The following SDAD1 variants were observed in gnomAD, a reference collection of about 807,000 sequenced individuals.
The protein encoded by SDAD1 is protein SDA1 homolog.
In SDAD1, 79 loss-of-function variants were observed where a neutral mutation model predicts 100.3. That is an observed-to-expected ratio of 0.79 (90% confidence interval 0.66 to 0.95). SDAD1 has a LOEUF of 0.95. Ranked by LOEUF, SDAD1 falls within the 40% of genes least tolerant of loss-of-function variation. The probability of loss-of-function intolerance (pLI) is 0.00; values close to 1 mark genes in which losing one functional copy is unlikely to be tolerated. For synonymous variants in SDAD1, 267 were observed against 271.4 expected, an observed-to-expected ratio of 0.98 and a Z score of 0.16; for missense variants, 790 against 810.9, an observed-to-expected ratio of 0.97 and a Z score of 0.31.
chr4:75,971,939 A>AT (rs35932670), intron 8 of SDAD1, among the ~76,000 whole-genome samples: 63,257 of 138,356 alleles, frequency 0.46, 16,207 homozygotes, highest in East Asian at 0.84. Flanking sequence ...CTGTAGCACT[A>AT]TTTTTTTTTT....
intron 1 of SDAD1, among the ~76,000 whole-genome samples, chr4:75,985,796 G>A (rs537089601): frequency 2.0e-5 from 3 of 152,076 alleles, no homozygotes; most frequent in Non-Finnish European, 2.9e-5. Context: ...TCAACTAGAG[G>A]TATATTCCTC....
rs375531744 is a variant in SDAD1, at chr4:75,957,475, C to T, written c.1769+43G>A. The T allele has an allele frequency of 5.0e-6, 8 of 1,611,834 alleles. No individual in the cohort carries two copies. In the African/African-American group the frequency reaches 5.3e-5, roughly 11 times the overall value. On this transcript the variant is annotated intron_variant, in intron 19 of 21. Transcript: ENST00000356260. ...TTCTGTTTCCTGATGCTTTCATTAC[C>T]ACATGAGCTGACTGAAGTACTAAAG...
chr4:75,961,536 C>T (rs998877574), intron 14 of SDAD1, among the ~76,000 whole-genome samples: 11 of 152,070 alleles, frequency 7.2e-5, no homozygotes, highest in Admixed American at 3.3e-4. Flanking sequence ...GAACAGTGTC[C>T]GGCACACTAA....
chr4:75,982,349 A>G (rs1367658832), intron 1 of SDAD1, among the ~76,000 whole-genome samples: 1 of 152,206 alleles, frequency 6.6e-6, no homozygotes, highest in African/African-American at 2.4e-5. Context: ...GCCAGTTACT[A>G]TCTAAATGAT....
chr4:75,968,018 A>G (rs766229402), intron 11 of SDAD1, among the ~76,000 whole-genome samples: 1 of 152,180 alleles, frequency 6.6e-6, no homozygotes. Context: ...AATTTTTTCT[A>G]TTTTAGCCAC....
Position 75,990,809 on chromosome 4 carries a change from G to C in SDAD1, c.33C>G (p.Ser11Arg). The C allele has an allele frequency of 6.2e-7, 1 of 1,614,162 alleles. No homozygotes were observed. Among genetic ancestry groups the C allele is most frequent in the Non-Finnish European group, 8.5e-7 (1 of 1,180,030 alleles). ...TTAGATTCTGTAACTGCGGCAGGTTGCTGGGAAGCTTGTTGTTGTTTCTGT... is the reference window on the plus strand; with the variant it reads ...TTAGATTCTGTAACTGCGGCAGGTTCCTGGGAAGCTTGTTGTTGTTTCTGT... The part of the protein sequence containing the change: MSNRNNNKLP[S>R]NLPQLQNLIK... The change falls in exon 1 of 22, where the codon AGC (serine) becomes AGG (arginine). Residue 11 changes from serine to arginine, a missense_variant. Coordinates refer to ENST00000356260, the MANE Select transcript of SDAD1 (RefSeq NM_018115.4).
chr4:75,975,640 T>C (rs1277124697), intron 6 of SDAD1, 104 bp downstream of exon 6: 8 of 721,718 alleles, frequency 1.1e-5, no homozygotes, highest in Non-Finnish European at 1.6e-5. Flanking sequence ...GACATAAGTA[T>C]ATTAAAGAGC....
intron 6 of SDAD1, among the ~76,000 whole-genome samples, chr4:75,975,163 A>C (rs927854183): frequency 1.3e-5 from 2 of 152,214 alleles, no homozygotes; most frequent in Non-Finnish European, 2.9e-5. Flanking sequence ...AAATACTAAC[A>C]GTAATTGATT....
intron 8 of SDAD1, among the ~76,000 whole-genome samples, chr4:75,971,665 G>A (rs905865704): frequency 1.3e-5 from 2 of 152,088 alleles, no homozygotes; most frequent in African/African-American, 2.4e-5. Context: ...GAGGCCAGGA[G>A]CTTGAGACCA....
intron 3 of SDAD1, among the ~76,000 whole-genome samples, chr4:75,979,762 T>C (rs191428662): frequency 6.0e-4 from 91 of 151,452 alleles, no homozygotes; most frequent in African/African-American, 2.1e-3. Context: ...GCGGAAATCT[T>C]TATTATTTTT....
intron 12 of SDAD1, among the ~76,000 whole-genome samples, 178 bp downstream of exon 12, chr4:75,967,099 T>TA (rs1729590286): frequency 6.6e-6 from 1 of 152,170 alleles, no homozygotes; most frequent in African/African-American, 2.4e-5. Flanking sequence ...AATAGTTTCT[T>TA]AAAGTTGAGG....
At chr4:75,972,816 T>A (rs546956727) in intron 8 of SDAD1, among the ~76,000 whole-genome samples, 12 of 151,654 alleles carry the variant, frequency 7.9e-5, no homozygotes, top group African/African-American at 2.9e-4. Context: ...GGTCAGGAGA[T>A]CAAGACCATC....
At chr4:75,959,365 A>G (rs1043960891) in intron 17 of SDAD1, among the ~76,000 whole-genome samples, 1 of 152,082 alleles carries the variant, frequency 6.6e-6, no homozygotes, top group Non-Finnish European at 1.5e-5. Flanking sequence ...GCACTTTGGG[A>G]GGCCAAAATG....
rs755987560 is a variant in SDAD1, at chr4:75,969,412, G to A, written c.884-13C>T. 2 of 1,582,968 alleles carry A rather than the reference G, an allele frequency of 1.3e-6. No homozygotes were observed. The highest frequency in any genetic ancestry group is 1.7e-6 in the Non-Finnish European group (2 of 1,152,806). On this transcript the variant is annotated splice_polypyrimidine_tract_variant and intron_variant, in intron 10 of 21. Transcript: ENST00000356260. ...TTTTCCGCAAAATCTGGCAAGGAGA[G>A]GATGAAAGAAGTACATTGTGAGTCT...
chr4:75,972,151 T>C (rs1196541673), intron 8 of SDAD1, among the ~76,000 whole-genome samples: 5 of 151,974 alleles, frequency 3.3e-5, no homozygotes, highest in Non-Finnish European at 7.4e-5. Flanking sequence ...TTGGACAGGA[T>C]GGTTTTGAAC....
chr4:75,961,145 A>G lies in SDAD1; in HGVS notation c.1280-41T>C, dbSNP rs201266930. ...TTTAATTAGAAATTCTGGCCCATAG[A>G]GTACAATGAGGTAAAAAGGAGTCAC... On this transcript the variant is annotated intron_variant, in intron 15 of 21. Transcript: ENST00000356260. 1.8e-4 allele frequency: 288 copies of G among 1,608,322 alleles called. 1 individual carries two copies. The African/African-American group carries it at 3.2e-3, about 18-fold the overall frequency.
chr4:75,990,141 A>AG (rs1731154015), intron 1 of SDAD1, among the ~76,000 whole-genome samples: 1 of 152,178 alleles, frequency 6.6e-6, no homozygotes, highest in South Asian at 2.1e-4. Flanking sequence ...CATCACAATG[A>AG]GGGCCTAATT....
At chr4:75,968,848 G>A (rs1265359105) in intron 11 of SDAD1, among the ~76,000 whole-genome samples, 2 of 151,814 alleles carry the variant, frequency 1.3e-5, no homozygotes, top group Non-Finnish European at 2.9e-5. Flanking sequence ...TGGCCAATAT[G>A]GTGAAACCCC....
At chr4:75,952,580 G>T (rs1483905064) in intron 21 of SDAD1, among the ~76,000 whole-genome samples, 1 of 152,120 alleles carries the variant, frequency 6.6e-6, no homozygotes, top group Non-Finnish European at 1.5e-5. Context: ...TTCAAGCCAG[G>T]TAAGATTCCT....
Sources: allele counts gnomAD v4.1 joint callset (sites outside exome capture counted in the v4.1 genomes callset), GRCh38; gene constraint gnomAD v4.1.1; transcripts MANE v1.5; gene names NCBI Gene and HGNC (gene_info 2026-07-23, HGNC 2026-07-21).